The following RBMS3 variants were observed in gnomAD, a reference collection of about 807,000 sequenced individuals.
RBMS3 encodes RNA-binding motif, single-stranded-interacting protein 3.
In RBMS3, 27 loss-of-function variants were observed where a neutral mutation model predicts 66.8. The ratio of observed to expected loss-of-function variants is 0.40; its 90% CI spans 0.30 to 0.56. The LOEUF (loss-of-function observed/expected upper bound fraction) is 0.56, where lower values mean the gene tolerates loss of function less well. Ranked by LOEUF, RBMS3 falls within the 20% of genes least tolerant of loss-of-function variation. The pLI, the probability that RBMS3 is intolerant of heterozygous loss-of-function variation, is 0.40. For missense variants in RBMS3, 513 were observed against 549.5 expected, an observed-to-expected ratio of 0.93 and a Z score of 0.66; for synonymous variants, 188 against 183.0, an observed-to-expected ratio of 1.03 and a Z score of -0.22.
At chr3:29,643,964 G>A (rs149981555) in intron 4 of RBMS3, among the ~76,000 whole-genome samples, 231 of 152,324 alleles carry the variant, frequency 1.5e-3, no homozygotes, top group Non-Finnish European at 1.5e-3. Context: ...CTGTAAAGCA[G>A]AATGTTTTTC....
chr3:29,569,289 A>T (rs1035871260), intron 3 of RBMS3, among the ~76,000 whole-genome samples: 24 of 152,120 alleles, frequency 1.6e-4, no homozygotes, highest in Admixed American at 3.3e-4. Flanking sequence ...TACAATTAGG[A>T]TACTGCCTAG....
chr3:29,708,601 T>C (rs1297223630), intron 4 of RBMS3, among the ~76,000 whole-genome samples: 1 of 152,214 alleles, frequency 6.6e-6, no homozygotes, highest in Non-Finnish European at 1.5e-5. Context: ...CCACCCAAGA[T>C]GCTAGGAGAA....
intron 6 of RBMS3, among the ~76,000 whole-genome samples, chr3:29,858,005 A>T (rs900714016): frequency 1.3e-5 from 2 of 152,222 alleles, no homozygotes; most frequent in African/African-American, 2.4e-5. Flanking sequence ...TAATTAAGGT[A>T]AACAAACAAA....
At chr3:29,416,690 T>C (rs2040490459) in intron 1 of RBMS3, among the ~76,000 whole-genome samples, 1 of 152,150 alleles carries the variant, frequency 6.6e-6, no homozygotes, top group South Asian at 2.1e-4. Context: ...AGAATACTCA[T>C]ACTCCTCACT....
chr3:29,350,761 A>G (rs1354124901), intron 1 of RBMS3, among the ~76,000 whole-genome samples: 2 of 152,146 alleles, frequency 1.3e-5, no homozygotes, highest in Non-Finnish European at 2.9e-5. Context: ...TTTTCTTTTA[A>G]TGTTAAGGAA....
At chr3:29,906,343 T>C (rs949872399) in intron 10 of RBMS3, among the ~76,000 whole-genome samples, 1 of 152,108 alleles carries the variant, frequency 6.6e-6, no homozygotes, top group African/African-American at 2.4e-5. Flanking sequence ...CATCTTGTTA[T>C]GTCATAACAT....
chr3:29,698,763 C>G, intron 4 of RBMS3: 2 of 411,540 alleles, frequency 4.9e-6, no homozygotes, highest in Non-Finnish European at 6.5e-6. Flanking sequence ...ATTTATAGAG[C>G]TTATTTTTAA....
chr3:29,495,630 G>A (rs529408037), intron 3 of RBMS3, among the ~76,000 whole-genome samples: 2 of 151,790 alleles, frequency 1.3e-5, no homozygotes, highest in African/African-American at 2.4e-5. Context: ...ATGTGGGCCA[G>A]GCTGGTTGAA....
In RBMS3 at chr3:30,005,770, G is replaced by GACCAATA. The variant is rs1217157041; in HGVS notation, c.*1910_*1916dup. On this transcript the variant is annotated 3_prime_UTR_variant, in exon 15 of 15. Transcript: ENST00000383767. ...CAGTTTAATTCTTTGAGGCATGTAG[G>GACCAATA]ACCAATAAGATTGAGAATTCTATTG... 2.0e-5 allele frequency: 3 copies of GACCAATA among 151,732 alleles called. No homozygotes were observed. The highest frequency in any genetic ancestry group is 7.3e-5 in the African/African-American group (3 of 41,360). 9.4% of individuals were successfully genotyped at this position (151,732 alleles called of 1,614,324 possible).
intron 12 of RBMS3, among the ~76,000 whole-genome samples, chr3:29,985,830 T>C (rs146987321): frequency 3.3e-4 from 51 of 152,278 alleles, no homozygotes; most frequent in African/African-American, 1.1e-3. Flanking sequence ...TTATTAACCA[T>C]ACTACCTAGG....
At chr3:29,575,527 A>C (rs1221218228) in intron 3 of RBMS3, among the ~76,000 whole-genome samples, 2 of 152,016 alleles carry the variant, frequency 1.3e-5, no homozygotes, top group African/African-American at 4.8e-5. Flanking sequence ...CTTGTGCTTG[A>C]ATGTTGGTAC....
chr3:29,396,235 C>T (rs544097184), intron 1 of RBMS3, among the ~76,000 whole-genome samples: 18 of 152,010 alleles, frequency 1.2e-4, no homozygotes, highest in Non-Finnish European at 2.1e-4. Context: ...CACAAGGAAA[C>T]ATTAGATAAA....
At chr3:29,851,121 C>G (rs550754689) in intron 6 of RBMS3, among the ~76,000 whole-genome samples, 4 of 152,272 alleles carry the variant, frequency 2.6e-5, no homozygotes, top group African/African-American at 9.6e-5. Flanking sequence ...ATTACCTTAT[C>G]TTTTTTTAGC....
chr3:29,670,992 C>T (rs1167711705), intron 4 of RBMS3, among the ~76,000 whole-genome samples: 2 of 152,198 alleles, frequency 1.3e-5, no homozygotes, highest in East Asian at 3.9e-4. Flanking sequence ...AACTGGGAGA[C>T]ATCTCACAAT....
At chr3:29,640,297 C>T (rs538284368) in intron 4 of RBMS3, among the ~76,000 whole-genome samples, 6 of 150,912 alleles carry the variant, frequency 4.0e-5, no homozygotes, top group African/African-American at 7.3e-5. Flanking sequence ...CACACACACA[C>T]GAAAGACGGA....
intron 10 of RBMS3, among the ~76,000 whole-genome samples, chr3:29,930,112 T>TC (rs1553702215): frequency 2.7e-4 from 15 of 54,848 alleles, no homozygotes; most frequent in Non-Finnish European, 3.7e-4. Flanking sequence ...TTTCTTTCTT[T>TC]TTTTTTTTTT....
intron 3 of RBMS3, among the ~76,000 whole-genome samples, chr3:29,530,035 A>G (rs1347808555): frequency 6.6e-6 from 1 of 152,138 alleles, no homozygotes; most frequent in African/African-American, 2.4e-5. Flanking sequence ...AATATATTTC[A>G]TTGTCCTCTT....
intron 3 of RBMS3, among the ~76,000 whole-genome samples, chr3:29,506,271 A>G (rs2044177358): frequency 6.6e-6 from 1 of 151,862 alleles, no homozygotes. Flanking sequence ...TAATTTGTTG[A>G]GATTTTTTAT....
At chr3:29,885,916 T>C (rs1378286687) in intron 8 of RBMS3, among the ~76,000 whole-genome samples, 2 of 151,848 alleles carry the variant, frequency 1.3e-5, no homozygotes, top group Non-Finnish European at 2.9e-5. Context: ...AGACATAACT[T>C]GTTTTTGCAT....
Sources: gnomAD v4.1 joint callset for allele counts (sites outside exome capture counted in the v4.1 genomes callset) on GRCh38, gnomAD v4.1.1 for gene constraint, MANE v1.5 for transcripts, NCBI Gene and HGNC (gene_info 2026-07-23, HGNC 2026-07-21) for gene names.